Variants in EIF4G3 observed in about 807,000 individuals in gnomAD.
EIF4G3 encodes eukaryotic translation initiation factor 4 gamma 3.
Under a neutral mutation model 186.4 loss-of-function variants are expected in EIF4G3, and 34 were observed. That is an observed-to-expected ratio of 0.18 (90% CI 0.14 to 0.24). The LOEUF (loss-of-function observed/expected upper bound fraction) is 0.24, where lower values mean the gene tolerates loss of function less well. EIF4G3 is among the 10% of genes least tolerant of loss of function. The pLI, the probability that EIF4G3 is intolerant of heterozygous loss-of-function variation, is 1.00. For missense variants in EIF4G3, 1,536 were observed against 1,948.5 expected (o/e 0.79, Z 3.99); for synonymous variants, 673 against 679.5 (o/e 0.99, Z 0.15).
chr1:21,051,043 CT>C (rs1255116122), intron 3 of EIF4G3, 49 bp from the exon 4 acceptor site: 1 of 712,848 alleles, frequency 1.4e-6, no homozygotes, highest in Non-Finnish European at 2.6e-6. Flanking sequence ...GTAAATCAAT[CT>C]TAATAAATAC....
At chr1:20,856,703 A>G (rs1320718500) in intron 25 of EIF4G3, among the ~76,000 whole-genome samples, 2 of 152,152 alleles carry the variant, frequency 1.3e-5, no homozygotes, top group African/African-American at 2.4e-5. Context: ...TTTCATGGTT[A>G]GGTTTAAACA....
At chr1:21,036,052 T>C (rs1414763196) in intron 4 of EIF4G3, among the ~76,000 whole-genome samples, 5 of 151,308 alleles carry the variant, frequency 3.3e-5, no homozygotes, top group Admixed American at 6.6e-5. Context: ...ATGACCTGCC[T>C]ACAGAGAGAA....
chr1:21,080,498 A>C (rs2095740973), intron 3 of EIF4G3, among the ~76,000 whole-genome samples: 1 of 151,700 alleles, frequency 6.6e-6, no homozygotes, highest in African/African-American at 2.4e-5. Flanking sequence ...AATTTATAGG[A>C]ATTTCTTTCT....
At chr1:20,951,309 T>C (rs1234883048) in intron 12 of EIF4G3, among the ~76,000 whole-genome samples, 1 of 152,172 alleles carries the variant, frequency 6.6e-6, no homozygotes, top group Non-Finnish European at 1.5e-5. Context: ...ATAAGGCTTA[T>C]ATAGAATAAT....
At chr1:20,919,710 C>G (rs1300920364) in intron 14 of EIF4G3, among the ~76,000 whole-genome samples, 1 of 152,110 alleles carries the variant, frequency 6.6e-6, no homozygotes, top group Non-Finnish European at 1.5e-5. Flanking sequence ...GTCTACAAAG[C>G]CTATGATCTG....
chr1:20,987,200 C>T (rs958971951), intron 7 of EIF4G3, among the ~76,000 whole-genome samples: 1 of 152,160 alleles, frequency 6.6e-6, no homozygotes, highest in East Asian at 1.9e-4. Flanking sequence ...TATGAAATAT[C>T]GTTTTTCATG....
intron 20 of EIF4G3, among the ~76,000 whole-genome samples, chr1:20,872,296 CT>C (rs5772921): frequency 0.42 from 62,110 of 148,270 alleles, 13,168 homozygotes; most frequent in Non-Finnish European, 0.45. Flanking sequence ...CTTTTTCACA[CT>C]TTTTTTTTTT....
chr1:21,166,056 C>T (rs1329033238), intron 2 of EIF4G3, among the ~76,000 whole-genome samples: 1 of 107,838 alleles, frequency 9.3e-6, no homozygotes, highest in African/African-American at 3.1e-5. Context: ...ATTGATCACC[C>T]ACTCATCATA....
At chr1:20,812,900 C>T (rs1037231196) in intron 35 of EIF4G3, among the ~76,000 whole-genome samples, 1 of 152,168 alleles carries the variant, frequency 6.6e-6, no homozygotes, top group Non-Finnish European at 1.5e-5. Flanking sequence ...GAAAAAGCTA[C>T]ACGCAACGTA....
rs770335159 is a variant in EIF4G3 at position 20,810,722 on chromosome 1, C to T, written c.4744+16G>A. 2 of 1,611,616 alleles carry T rather than the reference C, an allele frequency of 1.2e-6. No individual in the cohort carries two copies. ...CACTCATTGGTTAGATTAACTGTAACATGAGATAAACTTACTGGCAGGTTG... is the reference window on the plus strand; with the variant it reads ...CACTCATTGGTTAGATTAACTGTAATATGAGATAAACTTACTGGCAGGTTG... On this transcript the variant is annotated intron_variant, in intron 36 of 36. Coordinates refer to ENST00000602326, the MANE Select transcript of EIF4G3 (RefSeq NM_001391906.1). The surrounding 1 kb of genome is among the most constrained non-coding windows in gnomAD (Gnocchi z 4.1).
intron 2 of EIF4G3, among the ~76,000 whole-genome samples, chr1:21,156,671 A>G (rs1260390097): frequency 6.6e-6 from 1 of 152,204 alleles, no homozygotes; most frequent in Non-Finnish European, 1.5e-5. Context: ...GAAATCAAAG[A>G]TAGTCAAATC....
intron 4 of EIF4G3, among the ~76,000 whole-genome samples, chr1:21,022,957 C>A (rs1421803983): frequency 6.6e-6 from 1 of 152,110 alleles, no homozygotes; most frequent in Non-Finnish European, 1.5e-5. Context: ...AGTTTTCTTT[C>A]CTTCGAGGAT....
chr1:21,098,758 T>C (rs1311904221), intron 2 of EIF4G3, among the ~76,000 whole-genome samples: 2 of 152,002 alleles, frequency 1.3e-5, no homozygotes, highest in African/African-American at 4.8e-5. Flanking sequence ...TTAAGCAACC[T>C]TCCCAGCTCA....
chr1:21,096,319 T>C (rs750551686), intron 2 of EIF4G3, among the ~76,000 whole-genome samples: 3 of 152,256 alleles, frequency 2.0e-5, no homozygotes, highest in Non-Finnish European at 2.9e-5. Context: ...TCACTTACTG[T>C]TGAGATTTAA....
At chr1:21,029,580 C>T (rs897869787) in intron 4 of EIF4G3, among the ~76,000 whole-genome samples, 3 of 151,856 alleles carry the variant, frequency 2.0e-5, no homozygotes, top group African/African-American at 7.3e-5. Flanking sequence ...GACAAGCCTG[C>T]ACAACATAGC....
In EIF4G3 at chr1:20,862,339, G is replaced by C. The variant is rs2076547233; in HGVS notation, c.3007-7C>G. ...AGTACTGGTCCATACGTGGCTGCAA[G>C]AGACAAAATCATTAGTACTCCTGTC... is the stretch of plus-strand genomic sequence containing the variant. On this transcript the variant is annotated splice_region_variant and splice_polypyrimidine_tract_variant and intron_variant, in intron 22 of 36. Transcript: ENST00000602326. 6.4e-7 allele frequency: 1 copy of C among 1,552,890 alleles called. No individual in the cohort carries two copies. Among genetic ancestry groups the C allele is most frequent in the African/African-American group, 1.4e-5 (1 of 72,592 alleles).
intron 29 of EIF4G3, among the ~76,000 whole-genome samples, chr1:20,844,501 T>C (rs1272090108): frequency 6.6e-6 from 1 of 152,132 alleles, no homozygotes; most frequent in Non-Finnish European, 1.5e-5. Context: ...GTGTGTTTTT[T>C]TTTTCTTGTA....
At chr1:21,093,600 G>A (rs2096269018) in intron 2 of EIF4G3, among the ~76,000 whole-genome samples, 1 of 152,028 alleles carries the variant, frequency 6.6e-6, no homozygotes, top group Admixed American at 6.5e-5. Context: ...CCCATTACTG[G>A]GTATATACCC....
At chr1:20,950,331 G>T (rs1403435726) in intron 12 of EIF4G3, among the ~76,000 whole-genome samples, 1 of 152,026 alleles carries the variant, frequency 6.6e-6, no homozygotes, top group African/African-American at 2.4e-5. Context: ...GGAAGGAAAA[G>T]AAATGATTAC....
Sources: allele counts gnomAD v4.1 joint callset (sites outside exome capture counted in the v4.1 genomes callset), GRCh38; gene constraint gnomAD v4.1.1; non-coding constraint Gnocchi (gnomAD v3.1); transcripts MANE v1.5; gene names NCBI Gene and HGNC (gene_info 2026-07-23, HGNC 2026-07-21).